The following FGGY variants were observed in gnomAD, a reference collection of about 807,000 sequenced individuals.
The protein encoded by FGGY is FGGY carbohydrate kinase domain-containing protein.
A neutral mutation model predicts 71.3 loss-of-function variants in FGGY; 72 were observed. The ratio of observed to expected loss-of-function variants is 1.01; its 90% CI spans 0.84 to 1.23. The LOEUF is 1.23. Ranked by LOEUF, FGGY falls within the 50% of genes most tolerant of loss-of-function variation. FGGY has a pLI of 0.00. For missense variants in FGGY, 668 were observed against 682.3 expected (o/e 0.98, Z 0.23); for synonymous variants, 251 against 250.3 (o/e 1.00, Z -0.02).
chr1:59,723,045 C>T (rs1024372331), intron 14 of FGGY, among the ~76,000 whole-genome samples: 2 of 152,184 alleles, frequency 1.3e-5, no homozygotes, highest in African/African-American at 4.8e-5. Context: ...GATCCACCCA[C>T]CTCGGCCTCC....
At chr1:59,519,997 A>C (rs369692845) in intron 7 of FGGY, among the ~76,000 whole-genome samples, 5 of 152,318 alleles carry the variant, frequency 3.3e-5, no homozygotes, top group African/African-American at 1.2e-4. Flanking sequence ...GGGAAATGGC[A>C]CTGGCCTGTG....
chr1:59,535,982 C>T (rs565399548), intron 7 of FGGY, among the ~76,000 whole-genome samples: 1 of 149,002 alleles, frequency 6.7e-6, no homozygotes, highest in Non-Finnish European at 1.5e-5. Flanking sequence ...TAACTAAAAT[C>T]ACAGCAGAAC....
intron 3 of FGGY, among the ~76,000 whole-genome samples, chr1:59,345,973 C>G (rs1054451843): frequency 3.3e-5 from 5 of 152,124 alleles, no homozygotes; most frequent in African/African-American, 1.2e-4. Context: ...AGAGAGAATA[C>G]TTGATAATAT....
At chr1:59,487,182 T>G (rs942429634) in intron 6 of FGGY, among the ~76,000 whole-genome samples, 1 of 152,196 alleles carries the variant, frequency 6.6e-6, no homozygotes, top group Non-Finnish European at 1.5e-5. Flanking sequence ...AGAGCTGATT[T>G]ACACTCCATT....
chr1:59,537,397 A>G (rs1354882965), intron 7 of FGGY, among the ~76,000 whole-genome samples: 1 of 152,222 alleles, frequency 6.6e-6, no homozygotes, highest in African/African-American at 2.4e-5. Flanking sequence ...AGGAAGAATC[A>G]ATATCATGAA....
chr1:59,426,169 A>G (rs2153452556), intron 5 of FGGY, among the ~76,000 whole-genome samples: 1 of 151,938 alleles, frequency 6.6e-6, no homozygotes, highest in East Asian at 1.9e-4. Context: ...CAGCACCACC[A>G]CCTCTGGGCA....
intron 7 of FGGY, among the ~76,000 whole-genome samples, chr1:59,534,392 G>C (rs982412135): frequency 2.0e-5 from 3 of 152,034 alleles, no homozygotes; most frequent in African/African-American, 7.2e-5. Context: ...ATGGAACCAA[G>C]TTGAAAAACA....
chr1:59,489,521 A>G (rs2093760411), intron 6 of FGGY, among the ~76,000 whole-genome samples: 1 of 152,076 alleles, frequency 6.6e-6, no homozygotes, highest in Non-Finnish European at 1.5e-5. Context: ...CTCCATTTCC[A>G]TCCATATTGC....
chr1:59,708,752 A>T (rs1233701333), intron 14 of FGGY, among the ~76,000 whole-genome samples: 1 of 152,202 alleles, frequency 6.6e-6, no homozygotes, highest in East Asian at 1.9e-4. Context: ...TCCAAAGTAC[A>T]GGTTGAGCAG....
chr1:59,512,234 T>G, intron 6 of FGGY, 77 bp from the exon 7 acceptor site: 2 of 1,456,294 alleles, frequency 1.4e-6, no homozygotes. Flanking sequence ...AGCAAAGAGT[T>G]TCTCTTAAAA....
chr1:59,437,272 T>A (rs192583652), intron 5 of FGGY, among the ~76,000 whole-genome samples: 255 of 152,338 alleles, frequency 1.7e-3, no homozygotes, highest in Non-Finnish European at 2.7e-3. Flanking sequence ...GGGAGCCAGT[T>A]GTAGACAGAG....
At chr1:59,602,104 A>AC (rs2096583887) in intron 8 of FGGY, among the ~76,000 whole-genome samples, 1 of 152,184 alleles carries the variant, frequency 6.6e-6, no homozygotes, top group Admixed American at 6.5e-5. Context: ...ATCTTAGAAA[A>AC]CCTCAAAGAC....
At chr1:59,612,704 A>G (rs780276974) in intron 9 of FGGY, among the ~76,000 whole-genome samples, 2 of 152,252 alleles carry the variant, frequency 1.3e-5, no homozygotes, top group Non-Finnish European at 2.9e-5. Context: ...AGACTGGCAA[A>G]TTGGATAAAG....
At chr1:59,378,864 T>C (rs1255493850) in intron 5 of FGGY, 27 bp downstream of exon 5, 3 of 1,574,484 alleles carry the variant, frequency 1.9e-6, no homozygotes, top group Non-Finnish European at 2.6e-6. Flanking sequence ...TTGGATTGTG[T>C]TTGCGTTCTT....
At chr1:59,365,057 C>T (rs75233727) in intron 4 of FGGY, among the ~76,000 whole-genome samples, 13 of 152,228 alleles carry the variant, frequency 8.5e-5, no homozygotes, top group Non-Finnish European at 1.2e-4. Context: ...CTGTCTTGGA[C>T]GTGTTGAGTT....
intron 11 of FGGY, among the ~76,000 whole-genome samples, chr1:59,641,689 A>G (rs967389455): frequency 6.6e-6 from 1 of 152,194 alleles, no homozygotes; most frequent in African/African-American, 2.4e-5. Context: ...AAATGCAAAA[A>G]AGTCATGAAT....
At chr1:59,542,782 C>T (rs1227028205) in intron 7 of FGGY, among the ~76,000 whole-genome samples, 2 of 152,000 alleles carry the variant, frequency 1.3e-5, no homozygotes, top group Non-Finnish European at 2.9e-5. Context: ...CATCATTTCC[C>T]TTTTAGAGAT....
At chr1:59,381,943 G>T (rs2059511635) in intron 5 of FGGY, among the ~76,000 whole-genome samples, 1 of 152,102 alleles carries the variant, frequency 6.6e-6, no homozygotes, top group African/African-American at 2.4e-5. Flanking sequence ...TATGTGTGGG[G>T]TTACATAGAC....
chr1:59,581,283 A>G (rs2096189928), intron 8 of FGGY, among the ~76,000 whole-genome samples: 2 of 149,956 alleles, frequency 1.3e-5, no homozygotes, highest in South Asian at 4.2e-4. Flanking sequence ...CATTTGCATG[A>G]GGGGAAATTT....
Sources: gnomAD v4.1 joint callset for allele counts (sites outside exome capture counted in the v4.1 genomes callset) on GRCh38, gnomAD v4.1.1 for gene constraint, MANE v1.5 for transcripts, NCBI Gene and HGNC (gene_info 2026-07-23, HGNC 2026-07-21) for gene names.